EXTL3: variants seen among roughly 807,000 people sequenced by gnomAD.
The protein encoded by EXTL3 is exostosin like glycosyltransferase 3.
EXTL3 carries 27 observed loss-of-function variants against 69.3 expected under a neutral mutation model. The ratio of observed to expected loss-of-function variants is 0.39; its 90% CI spans 0.29 to 0.54. EXTL3 has a LOEUF of 0.54. Among genes scored for constraint, EXTL3 ranks in the 20% least tolerant of loss-of-function variants. EXTL3 has a pLI of 0.69. For missense variants in EXTL3, 1,003 were observed against 1,231.8 expected, an observed-to-expected ratio of 0.81 and a Z score of 2.78; for synonymous variants, 511 against 499.4, an observed-to-expected ratio of 1.02 and a Z score of -0.31.
At position 28,751,071 on chromosome 8, in the gene EXTL3, G is replaced by C. The variant is rs1254409094; in HGVS notation, c.*205G>C. The C allele has an allele frequency of 5.1e-6, 3 of 591,494 alleles. No homozygotes were observed. The highest frequency in any genetic ancestry group is 9.0e-6 in the Non-Finnish European group (3 of 331,566). 36.6% of individuals were successfully genotyped at this position (591,494 alleles called of 1,614,324 possible). ...GCCTGGAGCCCTGGGCGGAGTCCCC[G>C]GGGTTCCCCACACAGGGCACTGACT... On this transcript the variant is annotated 3_prime_UTR_variant, in exon 7 of 7. Transcript: ENST00000220562.
chr8:28,638,909 GT>G (rs1359243576), intron 1 of EXTL3, among the ~76,000 whole-genome samples: 1 of 151,638 alleles, frequency 6.6e-6, no homozygotes, highest in Non-Finnish European at 1.5e-5. Context: ...GGGATTACAG[GT>G]GTGAGCCACT....
intron 4 of EXTL3, among the ~76,000 whole-genome samples, chr8:28,736,798 A>T (rs1801660405): frequency 6.6e-6 from 1 of 152,204 alleles, no homozygotes; most frequent in South Asian, 2.1e-4. Flanking sequence ...TTCTTAGAAA[A>T]TGCTTGTTCA....
intron 1 of EXTL3, among the ~76,000 whole-genome samples, chr8:28,711,987 AAC>A (rs1173968979): frequency 6.6e-6 from 1 of 152,070 alleles, no homozygotes; most frequent in African/African-American, 2.4e-5. Flanking sequence ...CAGTGATCCA[AAC>A]ACAAAGGGTT....
chr8:28,749,665 T>TC (rs71222573), intron 6 of EXTL3, among the ~76,000 whole-genome samples: 2 of 149,480 alleles, frequency 1.3e-5, no homozygotes, highest in Non-Finnish European at 3.0e-5. Context: ...ATTCATTCAT[T>TC]ATTCATTGTT....
upstream of EXTL3, among the ~76,000 whole-genome samples, chr8:28,619,104 A>C (rs1385051338): frequency 6.7e-6 from 1 of 148,648 alleles, no homozygotes; most frequent in Non-Finnish European, 1.5e-5. Context: ...AAAAAAAAAA[A>C]AAAAAAAAAA....
intron 1 of EXTL3, among the ~76,000 whole-genome samples, chr8:28,706,194 T>G (rs1334548172): frequency 6.6e-6 from 1 of 152,216 alleles, no homozygotes; most frequent in Non-Finnish European, 1.5e-5. Context: ...ATGAGGTGAT[T>G]GCATCTTTAC....
At position 28,754,109 on chromosome 8, in the gene EXTL3, G is replaced by A. The variant is rs2130813012; in HGVS notation, c.*3243G>A. ...TGCCTGCGATCCCAGGACAGGTGAG[G>A]CCTCACTGTGAATGGCTCGATTCGG... On this transcript the variant is annotated 3_prime_UTR_variant, in exon 7 of 7. Transcript: ENST00000220562. 6.6e-6 allele frequency: 1 copy of A among 152,420 alleles called. No homozygotes were observed. The highest frequency in any genetic ancestry group is 1.9e-4 in the East Asian group (1 of 5,166). 9.4% of individuals were successfully genotyped at this position (152,420 alleles called of 1,614,324 possible).
upstream of EXTL3, among the ~76,000 whole-genome samples, chr8:28,618,421 T>G (rs1170188365): frequency 6.6e-6 from 1 of 151,832 alleles, no homozygotes; most frequent in Non-Finnish European, 1.5e-5. Context: ...AGGGGGAAAA[T>G]GCAAAGGCCT....
At chr8:28,737,086 AG>A (rs1411978213) in intron 4 of EXTL3, among the ~76,000 whole-genome samples, 2 of 152,246 alleles carry the variant, frequency 1.3e-5, no homozygotes, top group Non-Finnish European at 2.9e-5. Flanking sequence ...CTGAGGTTAC[AG>A]GCATGAGCCA....
Position 28,752,901 on chromosome 8 carries a change from C to T in EXTL3, c.*2035C>T, listed in dbSNP as rs1167335589. ...ACTGACTTCAGTGGGACTCGGTGAG[C>T]CGGGGCCGTCTGTGTGGTGGGACCC... On this transcript the variant is annotated 3_prime_UTR_variant, in exon 7 of 7. Coordinates refer to ENST00000220562, the MANE Select transcript of EXTL3 (RefSeq NM_001440.4). The T allele has an allele frequency of 6.5e-6, 1 of 153,040 alleles. No homozygotes were observed. Among genetic ancestry groups the T allele is most frequent in the Non-Finnish European group, 1.5e-5 (1 of 68,306 alleles). 9.5% of individuals were successfully genotyped at this position (153,040 alleles called of 1,614,324 possible).
chr8:28,633,341 AAAT>A (rs1293622983), intron 1 of EXTL3, among the ~76,000 whole-genome samples: 2 of 152,030 alleles, frequency 1.3e-5, no homozygotes. Context: ...CTGTCTGCAA[AAAT>A]AATAATAAAA....
chr8:28,713,385 T>G lies in EXTL3; in HGVS notation c.-569-72T>G, dbSNP rs1801071192. 24 of 638,894 alleles carry G rather than the reference T, an allele frequency of 3.8e-5. No individual in the cohort carries two copies. The South Asian group carries it at 4.3e-4, about 11-fold the overall frequency. 39.6% of individuals were successfully genotyped at this position (638,894 alleles called of 1,614,324 possible). On this transcript the variant is annotated intron_variant, in intron 1 of 6. Coordinates refer to ENST00000220562, the MANE Select transcript of EXTL3 (RefSeq NM_001440.4). ...AGTAAATAGGTTCTTTAATAGCACT[T>G]TCAGTATTGAGTATTTTTCTAATAG...
intron 4 of EXTL3, among the ~76,000 whole-genome samples, chr8:28,734,106 C>T (rs1801598117): frequency 6.6e-6 from 1 of 152,194 alleles, no homozygotes. Flanking sequence ...GCATGAGCCA[C>T]CGCACCAGGC....
At chr8:28,709,967 T>G (rs1364071246) in intron 1 of EXTL3, among the ~76,000 whole-genome samples, 1 of 152,186 alleles carries the variant, frequency 6.6e-6, no homozygotes, top group African/African-American at 2.4e-5. Context: ...GGGCTACTGC[T>G]TGGTTCAGCC....
intron 1 of EXTL3, among the ~76,000 whole-genome samples, chr8:28,663,887 G>C (rs1340925809): frequency 1.3e-5 from 2 of 152,238 alleles, no homozygotes; most frequent in Non-Finnish European, 2.9e-5. Context: ...GGCTGAGGAG[G>C]CTGCCATTGC....
At chr8:28,679,731 A>G (rs1213163284) in intron 1 of EXTL3, among the ~76,000 whole-genome samples, 3 of 10,998 alleles carry the variant, frequency 2.7e-4, no homozygotes, top group African/African-American at 1.1e-3. Context: ...CTACCTCTTA[A>G]AAAAAAAAAA....
At position 28,752,300 on chromosome 8, in the gene EXTL3, A is replaced by G. The variant is rs1802025298; in HGVS notation, c.*1434A>G. ...AGGGTGTGAGTGGCATTTGTCAGGGATTTAGCCCATGACGTGTTTCTTGAA... is the reference window on the plus strand; with the variant it reads ...AGGGTGTGAGTGGCATTTGTCAGGGGTTTAGCCCATGACGTGTTTCTTGAA... On this transcript the variant is annotated 3_prime_UTR_variant, in exon 7 of 7. Transcript: ENST00000220562. 6.6e-6 allele frequency: 1 copy of G among 152,436 alleles called. No homozygotes were observed. The highest frequency in any genetic ancestry group is 1.5e-5 in the Non-Finnish European group (1 of 68,006). The allele number at this position is 152,436 out of a possible 1,614,324, so 9.4% of individuals were successfully genotyped here.
chr8:28,656,992 G>T (rs1807022307), intron 1 of EXTL3, among the ~76,000 whole-genome samples: 1 of 151,724 alleles, frequency 6.6e-6, no homozygotes, highest in South Asian at 2.1e-4. Flanking sequence ...GAGTGCAGTG[G>T]CATGATCTTG....
chr8:28,635,684 C>A (rs1585223826), intron 1 of EXTL3, among the ~76,000 whole-genome samples: 1 of 149,906 alleles, frequency 6.7e-6, no homozygotes, highest in East Asian at 2.0e-4. Context: ...GCACTCCAGG[C>A]TGGGCAACAT....
Sources: allele counts gnomAD v4.1 joint callset (sites outside exome capture counted in the v4.1 genomes callset), GRCh38; gene constraint gnomAD v4.1.1; transcripts MANE v1.5; gene names NCBI Gene and HGNC (gene_info 2026-07-23, HGNC 2026-07-21).